GPR176: variants seen among roughly 807,000 people sequenced by gnomAD.
The protein encoded by GPR176 is G protein-coupled receptor 176, also known as G-protein coupled receptor 176.
In GPR176, 26 loss-of-function variants were observed where a neutral mutation model predicts 35.4. The ratio of observed to expected loss-of-function variants is 0.74; its 90% confidence interval spans 0.54 to 1.02. The LOEUF (loss-of-function observed/expected upper bound fraction) is 1.02, where lower values mean the gene tolerates loss of function less well. Ranked by LOEUF, GPR176 falls within the 50% of genes least tolerant of loss-of-function variation. GPR176 has a pLI of 0.00. For missense variants in GPR176, 597 were observed against 665.3 expected (o/e 0.90, Z 1.13); for synonymous variants, 278 against 271.3 (o/e 1.02, Z -0.24).
chr15:39,871,030 T>G (rs1215648244), intron 1 of GPR176, among the ~76,000 whole-genome samples: 1 of 152,122 alleles, frequency 6.6e-6, no homozygotes, highest in African/African-American at 2.4e-5. Flanking sequence ...ACCTTACCCA[T>G]GACAGAATCC....
chr15:39,886,489 CTG>C (rs779017242), intron 1 of GPR176, among the ~76,000 whole-genome samples: 3 of 152,102 alleles, frequency 2.0e-5, no homozygotes, highest in Non-Finnish European at 2.9e-5. Flanking sequence ...GTTAAGATAT[CTG>C]TGTTGTTTTT....
chr15:39,838,476 T>C (rs571546432), intron 1 of GPR176, among the ~76,000 whole-genome samples: 39 of 152,274 alleles, frequency 2.6e-4, no homozygotes, highest in Middle Eastern at 3.4e-3. Flanking sequence ...AAAGAAGCAA[T>C]TATTGTTAAT....
At chr15:39,870,532 T>G (rs759051152) in intron 1 of GPR176, among the ~76,000 whole-genome samples, 2 of 152,196 alleles carry the variant, frequency 1.3e-5, no homozygotes, top group Non-Finnish European at 2.9e-5. Flanking sequence ...TTATCTTTAC[T>G]TATCAGTGTG....
intron 1 of GPR176, among the ~76,000 whole-genome samples, chr15:39,816,162 C>A (rs943324137): frequency 6.6e-5 from 10 of 152,112 alleles, no homozygotes; most frequent in Admixed American, 4.6e-4. Flanking sequence ...AGATACTGGT[C>A]AAAGGACACA....
At chr15:39,848,488 C>T (rs2030604241) in intron 1 of GPR176, among the ~76,000 whole-genome samples, 1 of 152,068 alleles carries the variant, frequency 6.6e-6, no homozygotes, top group Non-Finnish European at 1.5e-5. Flanking sequence ...ATAGAACATA[C>T]CGCCCAGCAA....
intron 1 of GPR176, among the ~76,000 whole-genome samples, chr15:39,816,355 C>T (rs1899906934): frequency 6.6e-6 from 1 of 151,548 alleles, no homozygotes; most frequent in African/African-American, 2.4e-5. Context: ...CATTATACAC[C>T]TATTTCAAAA....
chr15:39,812,338 T>C (rs556721469), intron 1 of GPR176, among the ~76,000 whole-genome samples: 2 of 152,260 alleles, frequency 1.3e-5, no homozygotes, highest in African/African-American at 4.8e-5. Context: ...ACGGCAAGAA[T>C]AAAAGCAGCA....
intron 1 of GPR176, among the ~76,000 whole-genome samples, chr15:39,825,634 T>C (rs1900587537): frequency 6.6e-6 from 1 of 152,190 alleles, no homozygotes; most frequent in African/African-American, 2.4e-5. Context: ...TTTTTGCCAT[T>C]ATAAACAAAA....
At chr15:39,891,095 T>C (rs752973943) in intron 1 of GPR176, among the ~76,000 whole-genome samples, 2 of 152,196 alleles carry the variant, frequency 1.3e-5, no homozygotes, top group Admixed American at 6.5e-5. Flanking sequence ...GCTGGTTTCA[T>C]TTATGCTTTT....
intron 1 of GPR176, among the ~76,000 whole-genome samples, chr15:39,833,968 C>A (rs1901247565): frequency 6.6e-6 from 1 of 152,310 alleles, no homozygotes; most frequent in South Asian, 2.1e-4. Flanking sequence ...AGCAATTAAA[C>A]ACATGAAGTG....
At chr15:39,897,282 C>T (rs1054012972) in intron 1 of GPR176, among the ~76,000 whole-genome samples, 5 of 152,204 alleles carry the variant, frequency 3.3e-5, no homozygotes, top group African/African-American at 1.2e-4. Flanking sequence ...GAATCTAGGA[C>T]ACAACATGAT....
intron 1 of GPR176, among the ~76,000 whole-genome samples, chr15:39,830,794 TA>T (rs1901024820): frequency 6.6e-6 from 1 of 152,198 alleles, no homozygotes; most frequent in Admixed American, 6.6e-5. Flanking sequence ...TTGTAAAACA[TA>T]ACCCAATTTA....
At chr15:39,873,071 T>C (rs1010326617) in intron 1 of GPR176, among the ~76,000 whole-genome samples, 2 of 152,034 alleles carry the variant, frequency 1.3e-5, no homozygotes, top group African/African-American at 4.8e-5. Context: ...TGAAAAACAG[T>C]GAAGAGTCCA....
chr15:39,916,722 C>T (rs997619484), intron 1 of GPR176, among the ~76,000 whole-genome samples: 1 of 152,146 alleles, frequency 6.6e-6, no homozygotes, highest in African/African-American at 2.4e-5. Context: ...AAGTAAGTTA[C>T]TTAATCAGTT....
intron 1 of GPR176, among the ~76,000 whole-genome samples, chr15:39,852,544 T>C (rs566124971): frequency 3.9e-5 from 6 of 152,270 alleles, no homozygotes; most frequent in African/African-American, 1.4e-4. Flanking sequence ...ACTCAGGCAG[T>C]TAAAATATGA....
chr15:39,835,256 A>G (rs275759), intron 1 of GPR176, among the ~76,000 whole-genome samples: 57,295 of 151,772 alleles, frequency 0.38, 11,497 homozygotes, highest in African/African-American at 0.46. Context: ...CTGACCTCAG[A>G]TGATCCACCG....
chr15:39,847,672 T>C (rs150728419), intron 1 of GPR176, among the ~76,000 whole-genome samples: 2,157 of 140,592 alleles, frequency 0.015, 53 homozygotes, highest in African/African-American at 0.055. Flanking sequence ...GAACCTGGGA[T>C]GTGGAGGTTG....
At chr15:39,832,052 C>T (rs1019236209) in intron 1 of GPR176, among the ~76,000 whole-genome samples, 1 of 151,270 alleles carries the variant, frequency 6.6e-6, no homozygotes, top group Non-Finnish European at 1.5e-5. Flanking sequence ...ATGAAGGGGG[C>T]AAAGGATCTG....
At chr15:39,818,862 A>C (rs1446782986) in intron 1 of GPR176, among the ~76,000 whole-genome samples, 1 of 152,202 alleles carries the variant, frequency 6.6e-6, no homozygotes, top group Non-Finnish European at 1.5e-5. Context: ...ATTTTCAGTG[A>C]CTTGAATTTT....
Sources: gnomAD v4.1 joint callset for allele counts (sites outside exome capture counted in the v4.1 genomes callset) on GRCh38, gnomAD v4.1.1 for gene constraint, MANE v1.5 for transcripts, NCBI Gene and HGNC (gene_info 2026-07-23, HGNC 2026-07-21) for gene names.